PCDH9: variants seen among roughly 807,000 people sequenced by gnomAD.
PCDH9 encodes protocadherin 9.
PCDH9 carries 24 observed loss-of-function variants against 70.6 expected under a neutral mutation model. The ratio of observed to expected loss-of-function variants is 0.34; its 90% CI spans 0.25 to 0.48. The LOEUF (loss-of-function observed/expected upper bound fraction) is 0.48, where lower values mean the gene tolerates loss of function less well. PCDH9 is among the 20% of genes least tolerant of loss of function. The pLI is 0.99. For missense variants in PCDH9, 1,281 were observed against 1,503.6 expected (o/e 0.85, Z 2.45); for synonymous variants, 562 against 558.5 (o/e 1.01, Z -0.09).
chr13:66,769,520 CG>C (rs1207112441), intron 3 of PCDH9, among the ~76,000 whole-genome samples: 7 of 149,996 alleles, frequency 4.7e-5, no homozygotes, highest in Non-Finnish European at 1.0e-4. Context: ...CTAGGTTTTT[CG>C]GAGCCACTTT....
intron 2 of PCDH9, among the ~76,000 whole-genome samples, chr13:67,116,033 C>T (rs993969491): frequency 1.3e-5 from 2 of 152,166 alleles, no homozygotes; most frequent in Admixed American, 1.3e-4. Context: ...CTCCAAGTAC[C>T]CATTTCATAA....
rs747379637 is a variant in PCDH9 at position 66,631,284 on chromosome 13, G to A, written c.3266C>T (p.Pro1089Leu). Residue 1089 changes from proline to leucine, a missense_variant, in exon 4 of 5, where the codon CCA becomes CTA. Coordinates refer to ENST00000377865, the MANE Select transcript of PCDH9 (RefSeq NM_203487.3). ...LISHPLPLVQPQDEFYDQASP... is the reference protein window; with the variant it reads ...LISHPLPLVQLQDEFYDQASP... ...GGCCTGGTCATAGAATTCGTCCTGTGGCTGAACCAGAGGAAGAGGGTGTGA... is the reference window on the plus strand; with the variant it reads ...GGCCTGGTCATAGAATTCGTCCTGTAGCTGAACCAGAGGAAGAGGGTGTGA... The A allele has an allele frequency of 4.3e-6, 7 of 1,610,758 alleles. No homozygotes were observed. The highest frequency in any genetic ancestry group is 3.3e-5 in the South Asian group (3 of 91,018).
At chr13:66,478,715 G>A (rs1440772043) in intron 4 of PCDH9, among the ~76,000 whole-genome samples, 1 of 152,156 alleles carries the variant, frequency 6.6e-6, no homozygotes, top group Non-Finnish European at 1.5e-5. Context: ...GGGGTGATAA[G>A]CCGCAAAAGA....
intron 4 of PCDH9, among the ~76,000 whole-genome samples, chr13:66,592,511 A>G (rs745475109): frequency 6.6e-6 from 1 of 151,788 alleles, no homozygotes; most frequent in Non-Finnish European, 1.5e-5. Flanking sequence ...CAGCAGGAAT[A>G]TACAGTGCTT....
chr13:66,580,836 C>T (rs2076881828), intron 4 of PCDH9, among the ~76,000 whole-genome samples: 1 of 151,984 alleles, frequency 6.6e-6, no homozygotes, highest in Non-Finnish European at 1.5e-5. Flanking sequence ...TTCCCCCATC[C>T]ATGCAAGCTG....
chr13:66,718,469 T>C (rs1239605175), intron 3 of PCDH9, among the ~76,000 whole-genome samples: 1 of 152,148 alleles, frequency 6.6e-6, no homozygotes, highest in African/African-American at 2.4e-5. Context: ...CATAATCCAC[T>C]ATGCCATGCT....
intron 4 of PCDH9, among the ~76,000 whole-genome samples, chr13:66,386,016 A>G (rs2138255263): frequency 6.6e-6 from 1 of 151,800 alleles, no homozygotes; most frequent in East Asian, 1.9e-4. Flanking sequence ...AAAAGGGAAG[A>G]AAAAGTATCT....
intron 2 of PCDH9, among the ~76,000 whole-genome samples, chr13:66,965,197 A>G (rs573634477): frequency 2.0e-5 from 3 of 152,244 alleles, no homozygotes; most frequent in African/African-American, 7.2e-5. Context: ...ACTTTAATCA[A>G]TATGCTGAAA....
intron 2 of PCDH9, among the ~76,000 whole-genome samples, chr13:67,107,822 C>T (rs1037821383): frequency 1.3e-5 from 2 of 152,226 alleles, no homozygotes; most frequent in African/African-American, 4.8e-5. Context: ...AGAAGAGCTA[C>T]AGCCCTTCGA....
chr13:66,411,429 G>A (rs1957367127), intron 4 of PCDH9, among the ~76,000 whole-genome samples: 1 of 152,042 alleles, frequency 6.6e-6, no homozygotes, highest in Non-Finnish European at 1.5e-5. Context: ...TGGGACTACA[G>A]GTGCATCCCA....
At chr13:66,388,737 G>C (rs957888883) in intron 4 of PCDH9, among the ~76,000 whole-genome samples, 1 of 152,022 alleles carries the variant, frequency 6.6e-6, no homozygotes, top group South Asian at 2.1e-4. Flanking sequence ...GATATCATGA[G>C]TACTTATTTC....
chr13:66,668,797 C>T (rs113640117), intron 3 of PCDH9, among the ~76,000 whole-genome samples: 186 of 152,198 alleles, frequency 1.2e-3, no homozygotes, highest in African/African-American at 4.0e-3. Flanking sequence ...AGTATGCATA[C>T]GTCAGTTCAT....
chr13:66,695,104 C>G (rs1439167371), intron 3 of PCDH9, among the ~76,000 whole-genome samples: 1 of 152,012 alleles, frequency 6.6e-6, no homozygotes, highest in African/African-American at 2.4e-5. Flanking sequence ...GGGGTTTCAC[C>G]GTGTTAGCCA....
intron 2 of PCDH9, among the ~76,000 whole-genome samples, chr13:67,055,691 C>T (rs1297472094): frequency 6.6e-6 from 1 of 151,776 alleles, no homozygotes; most frequent in Non-Finnish European, 1.5e-5. Flanking sequence ...GTCCCAGCTA[C>T]TCAGGAGCTG....
At chr13:66,993,603 T>C (rs1042142072) in intron 2 of PCDH9, among the ~76,000 whole-genome samples, 1 of 152,208 alleles carries the variant, frequency 6.6e-6, no homozygotes, top group Admixed American at 6.5e-5. Flanking sequence ...CTATTTACTT[T>C]ATCCTCCTCA....
chr13:66,538,345 G>C (rs1383475086), intron 4 of PCDH9, among the ~76,000 whole-genome samples: 1 of 152,118 alleles, frequency 6.6e-6, no homozygotes, highest in Admixed American at 6.6e-5. Flanking sequence ...AATAACCATT[G>C]TCCACAACTA....
intron 2 of PCDH9, among the ~76,000 whole-genome samples, chr13:67,086,824 T>C (rs771155802): frequency 6.6e-6 from 1 of 152,130 alleles, no homozygotes; most frequent in African/African-American, 2.4e-5. Flanking sequence ...TGATAAAATG[T>C]TGCAAGTTGA....
intron 4 of PCDH9, among the ~76,000 whole-genome samples, chr13:66,414,938 A>C (rs972618791): frequency 6.6e-6 from 1 of 152,134 alleles, no homozygotes; most frequent in Non-Finnish European, 1.5e-5. Context: ...AAACATCTGA[A>C]AGCGTAAAAA....
chr13:66,656,324 T>C (rs1322321301), intron 3 of PCDH9, among the ~76,000 whole-genome samples: 3 of 152,130 alleles, frequency 2.0e-5, no homozygotes, highest in Non-Finnish European at 2.9e-5. Context: ...GTGAATTGAG[T>C]TAATTAACAG....
Sources: gnomAD v4.1 joint callset for allele counts (sites outside exome capture counted in the v4.1 genomes callset) on GRCh38, gnomAD v4.1.1 for gene constraint, MANE v1.5 for transcripts, NCBI Gene and HGNC (gene_info 2026-07-23, HGNC 2026-07-21) for gene names.